The following OPCML variants were observed in gnomAD, a reference collection of about 807,000 sequenced individuals.
OPCML encodes the protein opioid-binding protein/cell adhesion molecule.
In OPCML, 13 loss-of-function variants were observed where a neutral mutation model predicts 37.8. The ratio of observed to expected loss-of-function variants is 0.34; its 90% CI spans 0.22 to 0.55. The LOEUF is 0.55. Ranked by LOEUF, OPCML falls within the 20% of genes least tolerant of loss-of-function variation. OPCML has a pLI of 0.91. For missense variants in OPCML, 341 were observed against 435.6 expected, an observed-to-expected ratio of 0.78 and a Z score of 1.93; for synonymous variants, 176 against 168.8, an observed-to-expected ratio of 1.04 and a Z score of -0.33.
chr11:133,191,508 T>G (rs975129781), intron 1 of OPCML, among the ~76,000 whole-genome samples: 5 of 148,142 alleles, frequency 3.4e-5, no homozygotes, highest in South Asian at 4.3e-4. Flanking sequence ...TGTGTGGGTG[T>G]GTGTGTGTGT....
intron 1 of OPCML, among the ~76,000 whole-genome samples, chr11:133,471,679 A>G (rs1947119222): frequency 6.6e-6 from 1 of 152,234 alleles, no homozygotes. Context: ...CTTACAGCAT[A>G]TTTTACGGAC....
chr11:133,499,832 A>ATG (rs1352526637), intron 1 of OPCML, among the ~76,000 whole-genome samples: 105 of 140,884 alleles, frequency 7.5e-4, no homozygotes, highest in African/African-American at 2.7e-3. Flanking sequence ...ACACATATAT[A>ATG]TGTGTATGTA....
chr11:132,860,009 T>A (rs920887649), intron 2 of OPCML: 5 of 152,114 alleles, frequency 3.3e-5, no homozygotes, highest in African/African-American at 1.2e-4. Flanking sequence ...ACCATACAAA[T>A]ACCTGCACAA....
chr11:133,405,539 G>A (rs997831488), intron 1 of OPCML, among the ~76,000 whole-genome samples: 9 of 152,132 alleles, frequency 5.9e-5, no homozygotes, highest in South Asian at 2.1e-4. Flanking sequence ...GGATACCCTC[G>A]GATAGAAGAC....
intron 3 of OPCML, among the ~76,000 whole-genome samples, chr11:132,565,321 C>T (rs2096419913): frequency 6.6e-6 from 1 of 152,176 alleles, no homozygotes; most frequent in East Asian, 1.9e-4. Context: ...CTGCTGGTGA[C>T]TTCACAGAAA....
intron 4 of OPCML, 142 bp from the exon 5 acceptor site, chr11:132,437,501 A>G: frequency 1.4e-6 from 2 of 1,463,164 alleles, no homozygotes; most frequent in South Asian, 1.4e-5. Context: ...GACATAGGGC[A>G]TCATGTTGCT....
At chr11:132,791,937 C>A (rs1266104083) in intron 2 of OPCML, among the ~76,000 whole-genome samples, 3 of 152,080 alleles carry the variant, frequency 2.0e-5, no homozygotes, top group Non-Finnish European at 4.4e-5. Flanking sequence ...AGTACAAGGA[C>A]TACCACATTA....
chr11:132,834,151 G>A (rs1940873658), intron 2 of OPCML, among the ~76,000 whole-genome samples: 1 of 152,146 alleles, frequency 6.6e-6, no homozygotes, highest in Non-Finnish European at 1.5e-5. Flanking sequence ...AAAAAGCAAT[G>A]GGCCTTCTTT....
At chr11:133,038,452 G>A (rs1687916491) in intron 1 of OPCML, among the ~76,000 whole-genome samples, 2 of 152,122 alleles carry the variant, frequency 1.3e-5, no homozygotes, top group Admixed American at 1.3e-4. Flanking sequence ...TGACTATCAG[G>A]AGACCATGGT....
chr11:132,601,182 A>T (rs1937864349), intron 3 of OPCML, among the ~76,000 whole-genome samples: 1 of 152,070 alleles, frequency 6.6e-6, no homozygotes, highest in South Asian at 2.1e-4. Context: ...AACTACCCCC[A>T]TGTGGGCACA....
At chr11:133,044,819 C>T (rs1947976901) in intron 1 of OPCML, among the ~76,000 whole-genome samples, 1 of 152,094 alleles carries the variant, frequency 6.6e-6, no homozygotes, top group South Asian at 2.1e-4. Flanking sequence ...GAACGAGACT[C>T]TACAGTTCAA....
At position 132,811,516 on chromosome 11, in the gene OPCML, G is replaced by T. The variant is rs567067381; in HGVS notation, c.146+131410C>A. On this transcript the variant is annotated intron_variant, in intron 2 of 7. Transcript: ENST00000524381. ...AGGCCCCGGGAAAGTGGCTGTTTTG[G>T]TTTAAAGATCTGCCCTGGACATGTC... Among the ~76,000 whole-genome samples the T allele has an allele frequency of 3.3e-5, 5 of 152,236 alleles. No homozygotes were observed. The East Asian group carries it at 9.7e-4, about 29-fold the overall frequency.
At chr11:132,430,614 G>A (rs1223138119) in intron 7 of OPCML, among the ~76,000 whole-genome samples, 1 of 152,038 alleles carries the variant, frequency 6.6e-6, no homozygotes, top group Non-Finnish European at 1.5e-5. Flanking sequence ...TAACTGGAGC[G>A]TTTTCCTTTT....
intron 2 of OPCML, among the ~76,000 whole-genome samples, chr11:132,843,527 C>T (rs1412847788): frequency 6.6e-6 from 1 of 151,682 alleles, no homozygotes; most frequent in Admixed American, 6.6e-5. Context: ...TTAAACATAG[C>T]ACTGGTGTTA....
chr11:132,635,261 C>T (rs942568886), intron 3 of OPCML, among the ~76,000 whole-genome samples: 1 of 151,998 alleles, frequency 6.6e-6, no homozygotes, highest in African/African-American at 2.4e-5. Context: ...TACAATCCCC[C>T]CCATTGCAAA....
intron 1 of OPCML, among the ~76,000 whole-genome samples, chr11:133,170,350 G>A (rs575696512): frequency 6.6e-6 from 1 of 152,188 alleles, no homozygotes; most frequent in Non-Finnish European, 1.5e-5. Flanking sequence ...GCCGGATGTG[G>A]TGGTGGGCGC....
At chr11:132,994,205 G>T (rs190371562) in intron 1 of OPCML, among the ~76,000 whole-genome samples, 1 of 151,998 alleles carries the variant, frequency 6.6e-6, no homozygotes, top group Non-Finnish European at 1.5e-5. Context: ...TCCCCGCGCC[G>T]CAGCGGCTGG....
intron 2 of OPCML, among the ~76,000 whole-genome samples, chr11:132,697,493 A>T (rs1179779439): frequency 1.3e-5 from 2 of 152,092 alleles, no homozygotes; most frequent in South Asian, 2.1e-4. Flanking sequence ...GTGAATTTAA[A>T]TTTTTTTAGA....
chr11:133,383,443 G>T (rs3923707), intron 1 of OPCML, among the ~76,000 whole-genome samples: 111,401 of 152,016 alleles, frequency 0.73, 41,055 homozygotes, highest in East Asian at 0.88. Flanking sequence ...CGGGTCATCC[G>T]ATCTGTAATC....
Sources: gnomAD v4.1 joint callset for allele counts (sites outside exome capture counted in the v4.1 genomes callset) on GRCh38, gnomAD v4.1.1 for gene constraint, MANE v1.5 for transcripts, NCBI Gene and HGNC (gene_info 2026-07-23, HGNC 2026-07-21) for gene names.